DPP6: variants seen among roughly 807,000 people sequenced by gnomAD.
The protein encoded by DPP6 is dipeptidyl peptidase like 6.
Under a neutral mutation model 122.6 loss-of-function variants are expected in DPP6, and 69 were observed. That is an observed-to-expected ratio of 0.56 (90% CI 0.46 to 0.69). The LOEUF (loss-of-function observed/expected upper bound fraction) is 0.69. Ranked by LOEUF, DPP6 falls within the 30% of genes least tolerant of loss-of-function variation. DPP6 has a pLI of 0.00. For missense variants in DPP6, 928 were observed against 1,116.9 expected, an observed-to-expected ratio of 0.83 and a Z score of 2.41; for synonymous variants, 418 against 433.1, an observed-to-expected ratio of 0.97 and a Z score of 0.43.
Position 154,061,205 on chromosome 7 carries a change from C to G in DPP6, c.243+8142C>G, listed in dbSNP as rs1368143031. On this transcript the variant is annotated intron_variant, in intron 1 of 25. Transcript: ENST00000377770. ...TCCCAAACTGCAGTATTAGCCAAGC[C>G]TTTGTATGAGGTCACAAAGGGGGCG... Among the ~76,000 whole-genome samples the G allele has an allele frequency of 1.4e-4, 21 of 149,358 alleles. No homozygotes were observed. In the East Asian group the frequency reaches 3.9e-3, roughly 28 times the overall value.
At chr7:153,771,611 G>A in the DPP6 span, among the ~76,000 whole-genome samples, 1 of 152,084 alleles carries the variant, frequency 6.6e-6, no homozygotes. Context: ...AAGTGCTGGG[G>A]TTACAGGCAT....
At chr7:154,796,148 A>C in intron 12 of DPP6, 1 of 475,812 alleles carries the variant, frequency 2.1e-6, no homozygotes, top group Non-Finnish European at 3.6e-6. Flanking sequence ...GTGAGACCTC[A>C]GCTTGCAGTT....
chr7:154,079,594 C>A (rs1170786573), intron 1 of DPP6, among the ~76,000 whole-genome samples: 2 of 151,972 alleles, frequency 1.3e-5, no homozygotes, highest in Non-Finnish European at 2.9e-5. Flanking sequence ...CAAGCACGGC[C>A]CCTTTGAGGT....
At chr7:153,768,935 A>G in the DPP6 span, among the ~76,000 whole-genome samples, 2 of 152,226 alleles carry the variant, frequency 1.3e-5, no homozygotes, top group Non-Finnish European at 2.9e-5. Context: ...AATAGTAAAT[A>G]GTGAAAAGGA....
At chr7:154,094,630 T>G (rs1474739170) in intron 1 of DPP6, 3 of 152,242 alleles carry the variant, frequency 2.0e-5, no homozygotes, top group Non-Finnish European at 4.4e-5. Flanking sequence ...ATTTCCAGTC[T>G]CTGGGTCTTA....
intron 1 of DPP6, among the ~76,000 whole-genome samples, chr7:154,240,924 A>G (rs1801551814): frequency 1.3e-5 from 2 of 152,164 alleles, no homozygotes; most frequent in African/African-American, 4.8e-5. Context: ...ATGATATCAT[A>G]TACTTGGTAT....
At position 154,350,448 on chromosome 7, in the gene DPP6, C is replaced by T. The variant is rs1033249068; in HGVS notation, c.244-95766C>T. Among the ~76,000 whole-genome samples, 10 of 152,070 alleles carry T rather than the reference C, an allele frequency of 6.6e-5. No homozygotes were observed. In the East Asian group the frequency reaches 9.6e-4, roughly 15 times the overall value. On this transcript the variant is annotated intron_variant, in intron 1 of 25. Transcript: ENST00000377770. ...TTCATGGAGCTTGTGTGTGGTATGGCGTGCTAAGTCGTAGACCCATTACTT... is the reference window on the plus strand; with the variant it reads ...TTCATGGAGCTTGTGTGTGGTATGGTGTGCTAAGTCGTAGACCCATTACTT...
At chr7:153,767,844 C>A in the DPP6 span, among the ~76,000 whole-genome samples, 1 of 152,168 alleles carries the variant, frequency 6.6e-6, no homozygotes, top group East Asian at 1.9e-4. Flanking sequence ...TGTATGTATC[C>A]ATTGTGTTGT....
At chr7:154,340,036 G>A (rs1809788591) in intron 1 of DPP6, among the ~76,000 whole-genome samples, 1 of 152,008 alleles carries the variant, frequency 6.6e-6, no homozygotes, top group African/African-American at 2.4e-5. Context: ...TTGCGCCACT[G>A]CACTCCAGCC....
At chr7:154,451,426 C>T (rs1425556498) in intron 2 of DPP6, among the ~76,000 whole-genome samples, 2 of 151,530 alleles carry the variant, frequency 1.3e-5, no homozygotes, top group East Asian at 1.9e-4. Context: ...GAAATGTCCA[C>T]AGCAGCAAAG....
At chr7:154,411,528 A>G (rs1816597200) in intron 1 of DPP6, among the ~76,000 whole-genome samples, 1 of 152,208 alleles carries the variant, frequency 6.6e-6, no homozygotes, top group Non-Finnish European at 1.5e-5. Context: ...GGCATGAGCC[A>G]CAGTGCTTGG....
At chr7:154,867,063 C>A (rs1014967152) in intron 17 of DPP6, among the ~76,000 whole-genome samples, 6 of 151,074 alleles carry the variant, frequency 4.0e-5, no homozygotes, top group Admixed American at 2.0e-4. Flanking sequence ...CATTTGTTTA[C>A]GCTTTAAACA....
intron 1 of DPP6, among the ~76,000 whole-genome samples, chr7:154,325,475 A>G (rs543536308): frequency 6.6e-6 from 1 of 152,190 alleles, no homozygotes; most frequent in Non-Finnish European, 1.5e-5. Flanking sequence ...TTTATTTCAA[A>G]TACAAGCTGG....
the DPP6 span, among the ~76,000 whole-genome samples, chr7:153,810,986 G>A: frequency 6.6e-6 from 1 of 151,914 alleles, no homozygotes; most frequent in Non-Finnish European, 1.5e-5. Flanking sequence ...GCTTTAACCA[G>A]TACTGGAATT....
intron 4 of DPP6, among the ~76,000 whole-genome samples, chr7:154,543,797 C>T (rs1828923947): frequency 6.6e-6 from 1 of 151,788 alleles, no homozygotes; most frequent in Non-Finnish European, 1.5e-5. Flanking sequence ...AGTTCGAGAC[C>T]AGCATGGCCA....
chr7:153,831,729 T>C, the DPP6 span, among the ~76,000 whole-genome samples: 389 of 152,340 alleles, frequency 2.6e-3, no homozygotes, highest in African/African-American at 9.1e-3. Context: ...ATAAATACCA[T>C]TCTTAGGTCA....
chr7:154,372,729 C>G (rs1812780145), intron 1 of DPP6, among the ~76,000 whole-genome samples: 1 of 152,298 alleles, frequency 6.6e-6, no homozygotes, highest in East Asian at 1.9e-4. Flanking sequence ...AATAGGAAAG[C>G]AACGGGACTG....
chr7:153,874,252 G>GCACACACACACACACA, the DPP6 span, among the ~76,000 whole-genome samples: 9 of 150,088 alleles, frequency 6.0e-5, no homozygotes, highest in South Asian at 1.3e-3. Flanking sequence ...GTGCGCACAT[G>GCACACACACACACACA]CACACACACA....
At chr7:154,583,385 T>C (rs941464410) in intron 5 of DPP6, among the ~76,000 whole-genome samples, 1 of 152,154 alleles carries the variant, frequency 6.6e-6, no homozygotes, top group Non-Finnish European at 1.5e-5. Context: ...CCCTCCCTCT[T>C]CCTCAGTCCT....
Sources: allele counts gnomAD v4.1 joint callset (sites outside exome capture counted in the v4.1 genomes callset), GRCh38; gene constraint gnomAD v4.1.1; transcripts MANE v1.5; gene names NCBI Gene and HGNC (gene_info 2026-07-23, HGNC 2026-07-21).